Variants in KHDRBS2 observed in about 807,000 individuals in gnomAD.
KHDRBS2 encodes the protein KH domain-containing, RNA-binding, signal transduction-associated protein 2.
KHDRBS2 carries 26 observed loss-of-function variants against 44.3 expected under a neutral mutation model. The observed-to-expected ratio is 0.59, with a 90% CI of 0.43 to 0.81. KHDRBS2 has a LOEUF of 0.81. Among genes scored for constraint, KHDRBS2 ranks in the 40% least tolerant of loss-of-function variants. KHDRBS2 has a pLI of 0.00. For synonymous variants in KHDRBS2, 194 were observed against 151.1 expected (o/e 1.28, Z -2.08); for missense variants, 476 against 433.1 (o/e 1.10, Z -0.88).
chr6:61,680,143 T>C lies in KHDRBS2; in HGVS notation c.*820A>G, dbSNP rs1766161577. 6.6e-6 allele frequency: 1 copy of C among 152,414 alleles called. No individual in the cohort carries two copies. The highest frequency in any genetic ancestry group is 2.1e-4 in the South Asian group (1 of 4,830). 9.4% of individuals were successfully genotyped at this position (152,414 alleles called of 1,614,324 possible). On this transcript the variant is annotated 3_prime_UTR_variant, in exon 9 of 9. Transcript: ENST00000281156. Reference sequence around the variant, plus strand: ...ATATCTTAAAACAGACTTGGGTTCATTTTTGTAATTTTTAAATAGAAAACA... The same window carrying C: ...ATATCTTAAAACAGACTTGGGTTCACTTTTGTAATTTTTAAATAGAAAACA...
At chr6:61,765,272 G>T (rs967815150) in intron 6 of KHDRBS2, among the ~76,000 whole-genome samples, 5 of 152,012 alleles carry the variant, frequency 3.3e-5, no homozygotes, top group African/African-American at 1.2e-4. Flanking sequence ...GGGCAAAATA[G>T]GGAGACTAGC....
chr6:61,866,055 G>C (rs1797746924), intron 6 of KHDRBS2, among the ~76,000 whole-genome samples: 2 of 152,266 alleles, frequency 1.3e-5, no homozygotes, highest in East Asian at 3.9e-4. Flanking sequence ...ACTATTCTGG[G>C]CTCTGGAGGA....
chr6:62,147,455 T>C (rs1814191713), intron 2 of KHDRBS2, among the ~76,000 whole-genome samples: 1 of 151,926 alleles, frequency 6.6e-6, no homozygotes, highest in Non-Finnish European at 1.5e-5. Flanking sequence ...TCACTGGGCA[T>C]TGCTTAGTTT....
intron 4 of KHDRBS2, among the ~76,000 whole-genome samples, chr6:61,975,697 T>C (rs1772476605): frequency 7.6e-6 from 1 of 131,734 alleles, no homozygotes; most frequent in Non-Finnish European, 1.7e-5. Flanking sequence ...ATATAAAACA[T>C]CTGAAGGTGA....
chr6:62,223,064 T>G (rs982200846), intron 1 of KHDRBS2, among the ~76,000 whole-genome samples: 1 of 152,072 alleles, frequency 6.6e-6, no homozygotes, highest in African/African-American at 2.4e-5. Context: ...TGAGTGGGAG[T>G]GCCAACTCCA....
At chr6:62,108,603 A>G (rs1283191481) in intron 2 of KHDRBS2, among the ~76,000 whole-genome samples, 1 of 152,168 alleles carries the variant, frequency 6.6e-6, no homozygotes, top group African/African-American at 2.4e-5. Context: ...CTGGGTATAT[A>G]CCCAAAGGAC....
intron 1 of KHDRBS2, among the ~76,000 whole-genome samples, chr6:62,254,546 C>T (rs1563142037): frequency 6.6e-6 from 1 of 151,970 alleles, no homozygotes; most frequent in African/African-American, 2.4e-5. Context: ...AGATCTGGGA[C>T]TGATCTTTGA....
chr6:62,235,451 G>T (rs536383914), intron 1 of KHDRBS2, among the ~76,000 whole-genome samples: 1 of 152,026 alleles, frequency 6.6e-6, no homozygotes, highest in South Asian at 2.1e-4. Context: ...ATACCTTCCT[G>T]AGTTTAATTA....
chr6:61,947,470 G>C (rs1813603268), intron 4 of KHDRBS2, among the ~76,000 whole-genome samples: 1 of 152,098 alleles, frequency 6.6e-6, no homozygotes, highest in South Asian at 2.1e-4. Flanking sequence ...GTATGAAGTA[G>C]AGATATTGTT....
chr6:61,599,657 C>T, the KHDRBS2 span, among the ~76,000 whole-genome samples: 7 of 152,270 alleles, frequency 4.6e-5, no homozygotes, highest in East Asian at 1.4e-3. Flanking sequence ...TGAACTTTCC[C>T]AGGATTAGCC....
the KHDRBS2 span, among the ~76,000 whole-genome samples, chr6:61,586,910 G>T: frequency 6.6e-6 from 1 of 151,998 alleles, no homozygotes; most frequent in Non-Finnish European, 1.5e-5. Context: ...ATATAAATAG[G>T]GTTTTTGCAT....
the KHDRBS2 span, among the ~76,000 whole-genome samples, chr6:61,607,770 C>T: frequency 1.3e-5 from 2 of 152,128 alleles, no homozygotes; most frequent in Admixed American, 6.5e-5. Context: ...TCACTGCAAC[C>T]TCCACCTCCT....
At chr6:62,240,670 GTGTA>G (rs1389140084) in intron 1 of KHDRBS2, among the ~76,000 whole-genome samples, 303 of 62,494 alleles carry the variant, frequency 4.8e-3, no homozygotes, top group African/African-American at 0.011. Context: ...GTATGTGTGT[GTGTA>G]TATATATATA....
intron 2 of KHDRBS2, among the ~76,000 whole-genome samples, chr6:62,131,490 G>T (rs149862557): frequency 2.0e-5 from 3 of 152,184 alleles, no homozygotes. Flanking sequence ...CACCAAGTCT[G>T]AAGGAACGAG....
chr6:61,624,198 A>C, the KHDRBS2 span, among the ~76,000 whole-genome samples: 1 of 152,228 alleles, frequency 6.6e-6, no homozygotes, highest in South Asian at 2.1e-4. Context: ...CGATTTGTCC[A>C]GTGACTTCAG....
chr6:61,954,850 G>GTGTGTATA (rs1562513832), intron 4 of KHDRBS2, among the ~76,000 whole-genome samples: 4 of 43,526 alleles, frequency 9.2e-5, no homozygotes, highest in African/African-American at 1.9e-4. Flanking sequence ...GTATACATAT[G>GTGTGTATA]CATGTGTATA....
intron 3 of KHDRBS2, among the ~76,000 whole-genome samples, chr6:61,986,055 G>A (rs1364232067): frequency 2.6e-5 from 4 of 152,142 alleles, no homozygotes; most frequent in Non-Finnish European, 5.9e-5. Context: ...GATAAATCTA[G>A]ATTTGAATTA....
intron 6 of KHDRBS2, among the ~76,000 whole-genome samples, chr6:61,852,915 T>G (rs887756550): frequency 1.3e-5 from 2 of 152,178 alleles, no homozygotes; most frequent in Non-Finnish European, 2.9e-5. Context: ...AATAGTATAT[T>G]AAAGATCTTA....
chr6:61,640,158 TTAAAA>T, the KHDRBS2 span, among the ~76,000 whole-genome samples: 1 of 152,080 alleles, frequency 6.6e-6, no homozygotes, highest in African/African-American at 2.4e-5. Context: ...GATATTTGCT[TTAAAA>T]TATTAGATAA....
Sources: allele counts gnomAD v4.1 joint callset (sites outside exome capture counted in the v4.1 genomes callset), GRCh38; gene constraint gnomAD v4.1.1; transcripts MANE v1.5; gene names NCBI Gene and HGNC (gene_info 2026-07-23, HGNC 2026-07-21).